Variants in KALRN observed in about 807,000 individuals in gnomAD.
The protein encoded by KALRN is kalirin RhoGEF kinase.
Under a neutral mutation model 353.7 loss-of-function variants are expected in KALRN, and 70 were observed. The ratio of observed to expected loss-of-function variants is 0.20; its 90% CI spans 0.16 to 0.24. The LOEUF (loss-of-function observed/expected upper bound fraction) is 0.24, where lower values mean the gene tolerates loss of function less well. Among genes scored for constraint, KALRN ranks in the 10% least tolerant of loss-of-function variants. The pLI is 1.00. For missense variants in KALRN, 2,791 were observed against 3,756.7 expected, an observed-to-expected ratio of 0.74 and a Z score of 6.72; for synonymous variants, 1,391 against 1,434.8, an observed-to-expected ratio of 0.97 and a Z score of 0.69.
intron 13 of KALRN, among the ~76,000 whole-genome samples, chr3:124,408,551 G>A (rs949667781): frequency 6.6e-6 from 1 of 152,156 alleles, no homozygotes; most frequent in Non-Finnish European, 1.5e-5. Flanking sequence ...CACATTGCCT[G>A]CCCCATAATA....
intron 1 of KALRN, among the ~76,000 whole-genome samples, chr3:124,071,359 C>T (rs1038258196): frequency 2.0e-4 from 31 of 152,066 alleles, no homozygotes; most frequent in African/African-American, 7.2e-4. Context: ...GAAAACATAC[C>T]CAGAGAGGTT....
chr3:124,341,983 G>A (rs1303267884), intron 9 of KALRN, among the ~76,000 whole-genome samples: 1 of 151,986 alleles, frequency 6.6e-6, no homozygotes, highest in East Asian at 1.9e-4. Flanking sequence ...GCAGCTTTTA[G>A]GGTGTTGGGG....
chr3:124,166,039 C>T (rs2070790995), intron 1 of KALRN, among the ~76,000 whole-genome samples: 1 of 152,112 alleles, frequency 6.6e-6, no homozygotes, highest in Non-Finnish European at 1.5e-5. Flanking sequence ...GCTCATCCTC[C>T]CATCTGCCTG....
At chr3:124,612,694 T>G (rs2078135957) in intron 34 of KALRN, among the ~76,000 whole-genome samples, 1 of 152,094 alleles carries the variant, frequency 6.6e-6, no homozygotes, top group South Asian at 2.1e-4. Context: ...CATTCATTTG[T>G]TAGTTTCTTA....
intron 9 of KALRN, among the ~76,000 whole-genome samples, chr3:124,340,840 C>T (rs1248806604): frequency 1.3e-5 from 2 of 151,996 alleles, no homozygotes; most frequent in Non-Finnish European, 2.9e-5. Flanking sequence ...CCTATAATCC[C>T]AGCTACTCAG....
At chr3:124,571,268 A>G (rs929153434) in intron 34 of KALRN, among the ~76,000 whole-genome samples, 43 of 152,240 alleles carry the variant, frequency 2.8e-4, no homozygotes, top group African/African-American at 1.0e-3. Context: ...TTTTTAATTA[A>G]ATTCAACAAT....
intron 3 of KALRN, among the ~76,000 whole-genome samples, chr3:124,248,819 A>C (rs1383816798): frequency 6.6e-6 from 1 of 152,166 alleles, no homozygotes; most frequent in Non-Finnish European, 1.5e-5. Context: ...CGGAGCTGGA[A>C]TTTTATCTGT....
chr3:124,722,540 A>G lies in KALRN; in HGVS notation c.*3070A>G, dbSNP rs1193095268. The G allele has an allele frequency of 1.3e-5, 2 of 152,180 alleles. No individual in the cohort carries two copies. Among genetic ancestry groups the G allele is most frequent in the Non-Finnish European group, 2.9e-5 (2 of 68,044 alleles). The allele number at this position is 152,180 out of a possible 1,614,324, so 9.4% of individuals were successfully genotyped here. On this transcript the variant is annotated 3_prime_UTR_variant, in exon 60 of 60. Transcript: ENST00000682506. ...CTCCTGGTCCCTCCCAACAGAGATA[A>G]GAGAGTAGTCTTGGTTCAAGAGTTC...
intron 33 of KALRN, among the ~76,000 whole-genome samples, chr3:124,502,234 C>T (rs906111933): frequency 5.9e-5 from 9 of 152,190 alleles, no homozygotes; most frequent in African/African-American, 2.2e-4. Context: ...GATTCCCATG[C>T]CTGTGATTTG....
At position 124,270,770 on chromosome 3, in the gene KALRN, C is replaced by T. The variant is rs551246170; in HGVS notation, c.969+1515C>T. 6.6e-5 allele frequency among the ~76,000 whole-genome samples: 10 copies of T among 151,608 alleles called. No individual in the cohort carries two copies. The East Asian group carries it at 1.9e-3, about 29-fold the overall frequency. On this transcript the variant is annotated intron_variant, in intron 5 of 59. Transcript: ENST00000682506. Reference sequence around the variant, plus strand: ...GCCAGCTGTTCTGTGAAGCCAGAATCAGGTACTTTGGCTCTGTTGCCAGTT... The same window carrying T: ...GCCAGCTGTTCTGTGAAGCCAGAATTAGGTACTTTGGCTCTGTTGCCAGTT...
rs146737947 is a variant in KALRN, at chr3:124,542,192, T to A, written c.4936-20651T>A. 5.4e-3 allele frequency among the ~76,000 whole-genome samples: 815 copies of A among 152,308 alleles called. 6 individuals are homozygous for A. The highest frequency in any genetic ancestry group is 6.8e-3 in the South Asian group (33 of 4,820). On this transcript the variant is annotated intron_variant, in intron 33 of 59. Coordinates refer to ENST00000682506, the MANE Select transcript of KALRN (RefSeq NM_001388419.1). ...AATGTCCTTGGCCTGCTTAATTTAA[T>A]ATTATAATCAAAATAAAATAAGTAA...
At chr3:124,394,811 A>G (rs1299416685) in intron 11 of KALRN, among the ~76,000 whole-genome samples, 4 of 152,160 alleles carry the variant, frequency 2.6e-5, no homozygotes, top group African/African-American at 9.7e-5. Flanking sequence ...CGTTCATTCT[A>G]GTCTCCTGTT....
intron 6 of KALRN, among the ~76,000 whole-genome samples, chr3:124,323,136 T>A (rs1473012561): frequency 6.6e-6 from 1 of 152,204 alleles, no homozygotes; most frequent in Admixed American, 6.5e-5. Context: ...AACTGTAAGC[T>A]GTGGTCTTTT....
At chr3:124,109,144 T>G (rs2062598588) in intron 1 of KALRN, among the ~76,000 whole-genome samples, 1 of 152,186 alleles carries the variant, frequency 6.6e-6, no homozygotes, top group Non-Finnish European at 1.5e-5. Flanking sequence ...ATTTCTTAAA[T>G]CTATAAAATG....
intron 34 of KALRN, among the ~76,000 whole-genome samples, chr3:124,607,485 TCTA>T (rs1475564604): frequency 2.6e-5 from 4 of 152,174 alleles, no homozygotes; most frequent in African/African-American, 9.7e-5. Flanking sequence ...CCTATAATCT[TCTA>T]AAGTATTTTA....
intron 10 of KALRN, among the ~76,000 whole-genome samples, chr3:124,348,561 G>T (rs2082508216): frequency 6.6e-6 from 1 of 152,200 alleles, no homozygotes; most frequent in South Asian, 2.1e-4. Flanking sequence ...GATAAAGAAA[G>T]CCTCATATAG....
chr3:124,268,784 C>A lies in KALRN; in HGVS notation c.498C>A (p.Asp166Glu). 6.2e-7 allele frequency: 1 copy of A among 1,614,098 alleles called. No homozygotes were observed. The highest frequency in any genetic ancestry group is 2.2e-5 in the East Asian group (1 of 44,872). Residue 166 changes from aspartate (D) to glutamate (E), a missense_variant, in exon 5 of 60, where the codon GAC (aspartate) becomes GAA (glutamate). Coordinates refer to ENST00000682506, the MANE Select transcript of KALRN (RefSeq NM_001388419.1). Reference protein sequence around the residue: ...VSVEGLTKLVDPSQLTEEFDG... With the variant: ...VSVEGLTKLVEPSQLTEEFDG... Reference sequence around the variant, plus strand: ...TGGAGGGCCTCACAAAGCTGGTGGACCCCTCCCAGCTGACGGAGGAGTTTG... The same window carrying A: ...TGGAGGGCCTCACAAAGCTGGTGGAACCCTCCCAGCTGACGGAGGAGTTTG...
At chr3:124,102,512 G>T (rs79612147) in intron 1 of KALRN, among the ~76,000 whole-genome samples, 3,200 of 152,300 alleles carry the variant, frequency 0.021, 37 homozygotes, top group Non-Finnish European at 0.036. Context: ...TTCACAATGT[G>T]CTCCTGTGGG....
At chr3:124,303,877 T>C (rs2077460338) in intron 6 of KALRN, among the ~76,000 whole-genome samples, 1 of 152,112 alleles carries the variant, frequency 6.6e-6, no homozygotes, top group East Asian at 1.9e-4. Flanking sequence ...GTGTGTTCTC[T>C]CTTTGTTTTG....
Sources: gnomAD v4.1 joint callset for allele counts (sites outside exome capture counted in the v4.1 genomes callset) on GRCh38, gnomAD v4.1.1 for gene constraint, MANE v1.5 for transcripts, NCBI Gene and HGNC (gene_info 2026-07-23, HGNC 2026-07-21) for gene names.